MACF1: variants seen among roughly 807,000 people sequenced by gnomAD.
The protein encoded by MACF1 is microtubule-actin cross-linking factor 1.
A neutral mutation model predicts 854.8 loss-of-function variants in MACF1; 193 were observed. The observed-to-expected ratio is 0.23, with a 90% CI of 0.20 to 0.25. The LOEUF is 0.25. Ranked by LOEUF, MACF1 falls within the 10% of genes least tolerant of loss-of-function variation. MACF1 has a pLI of 1.00. For synonymous variants in MACF1, 3,185 were observed against 3,226.7 expected, an observed-to-expected ratio of 0.99 and a Z score of 0.44; for missense variants, 7,722 against 8,929.1, an observed-to-expected ratio of 0.86 and a Z score of 5.45.
At chr1:39,096,999 C>G (rs916315830) in intron 2 of MACF1, among the ~76,000 whole-genome samples, 2 of 151,384 alleles carry the variant, frequency 1.3e-5, no homozygotes, top group African/African-American at 4.9e-5. Flanking sequence ...GCCTTGGCCT[C>G]CTGAGTAGCT....
At chr1:39,290,997 A>G (rs1448295891) in intron 15 of MACF1, among the ~76,000 whole-genome samples, 1 of 149,722 alleles carries the variant, frequency 6.7e-6, no homozygotes, top group African/African-American at 2.5e-5. Flanking sequence ...TTTGAGACAG[A>G]GTCTCACTCC....
At chr1:39,162,715 A>G (rs1311318522) in intron 2 of MACF1, among the ~76,000 whole-genome samples, 1 of 152,166 alleles carries the variant, frequency 6.6e-6, no homozygotes, top group Non-Finnish European at 1.5e-5. Flanking sequence ...GGATGATAGA[A>G]TTTACTTTAC....
rs1364393372 is a variant in MACF1 at position 39,111,369 on chromosome 1, T to TATTA, written c.220+26934_220+26935insAATT. Among the ~76,000 whole-genome samples the TATTA allele has an allele frequency of 2.0e-5, 3 of 150,880 alleles. 1 individual carries two copies. Among genetic ancestry groups the TATTA allele is most frequent in the Admixed American group, 2.0e-4 (3 of 15,170 alleles). On this transcript the variant is annotated intron_variant, in intron 2 of 93. Transcript: ENST00000361689. ...TGCCACCATGCCCAGCTAATTATTT[T>TATTA]ATTTATTTATTTATTTATTTATTTA...
At chr1:39,389,623 G>C (rs1341572565) in intron 58 of MACF1, among the ~76,000 whole-genome samples, 1 of 152,070 alleles carries the variant, frequency 6.6e-6, no homozygotes, top group Non-Finnish European at 1.5e-5. Flanking sequence ...GCCTCCCAAA[G>C]TGCTGGGATT....
intron 49 of MACF1, among the ~76,000 whole-genome samples, chr1:39,364,132 G>A (rs1270002611): frequency 1.3e-5 from 2 of 152,144 alleles, no homozygotes; most frequent in Non-Finnish European, 2.9e-5. Flanking sequence ...ATTCCCAGCA[G>A]CAGTGTATTA....
chr1:39,138,573 A>G (rs1382125554), intron 2 of MACF1, among the ~76,000 whole-genome samples: 1 of 150,772 alleles, frequency 6.6e-6, no homozygotes, highest in Non-Finnish European at 1.5e-5. Context: ...CGACAGAGAG[A>G]GACTCTGTCT....
intron 2 of MACF1, among the ~76,000 whole-genome samples, chr1:39,143,290 A>G (rs1272360642): frequency 6.6e-6 from 1 of 152,222 alleles, no homozygotes; most frequent in Non-Finnish European, 1.5e-5. Context: ...AGAGTGAATT[A>G]TTGATACAAG....
intron 45 of MACF1, among the ~76,000 whole-genome samples, chr1:39,358,160 C>G (rs1470799123): frequency 6.6e-6 from 1 of 152,220 alleles, no homozygotes; most frequent in East Asian, 1.9e-4. Context: ...AAGTATTCCC[C>G]TTCCTGTATC....
intron 2 of MACF1, among the ~76,000 whole-genome samples, chr1:39,123,317 C>T (rs1453778740): frequency 7.5e-5 from 11 of 147,342 alleles, no homozygotes; most frequent in South Asian, 2.1e-4. Flanking sequence ...AAGCGATTCT[C>T]GTGCCTCAGC....
rs535344097 is a variant in MACF1, at chr1:39,189,690, T to C, written c.221-41492T>C. 2.0e-5 allele frequency among the ~76,000 whole-genome samples: 3 copies of C among 150,748 alleles called. No homozygotes were observed. In the East Asian group the frequency reaches 5.8e-4, roughly 29 times the overall value. ...GTTATATTTCTTATCTATGGAAGCC[T>C]TTTTTTTGACTTCCCCAACAGGAAA... On this transcript the variant is annotated intron_variant, in intron 2 of 93. Transcript: ENST00000361689.
intron 2 of MACF1, among the ~76,000 whole-genome samples, chr1:39,116,758 T>C (rs1429719014): frequency 1.3e-5 from 2 of 152,212 alleles, no homozygotes; most frequent in Non-Finnish European, 2.9e-5. Flanking sequence ...ATTTGACTTT[T>C]GGACAGGACA....
At chr1:39,434,380 C>CT (rs761556679) in intron 68 of MACF1, 34 bp from the exon 69 acceptor site, 1 of 1,233,570 alleles carries the variant, frequency 8.1e-7, no homozygotes, top group Non-Finnish European at 1.2e-6. Flanking sequence ...AATAGTAATA[C>CT]TTATCCTTTT....
In MACF1 at chr1:39,100,114, T is replaced by A. The variant is rs74592476; in HGVS notation, c.220+15676T>A. On this transcript the variant is annotated intron_variant, in intron 2 of 93. Coordinates refer to the MACF1 transcript ENST00000361689. Reference sequence around the variant, plus strand: ...GCCTGTAGTCCTAGCTGCTGGTGGGTTAATTGGTGGGCGCACTGAGGCAGG... The same window carrying A: ...GCCTGTAGTCCTAGCTGCTGGTGGGATAATTGGTGGGCGCACTGAGGCAGG... Among the ~76,000 whole-genome samples, 1,317 of 152,086 alleles carry A rather than the reference T, an allele frequency of 8.7e-3. 22 individuals are homozygous for A. The highest frequency in any genetic ancestry group is 0.03 in the African/African-American group (1,246 of 41,488).
At chr1:39,210,825 G>A (rs2148275944) in intron 1 of MACF1, among the ~76,000 whole-genome samples, 1 of 152,284 alleles carries the variant, frequency 6.6e-6, no homozygotes, top group East Asian at 1.9e-4. Flanking sequence ...TACTGGCTGA[G>A]TGACATTAGT....
At chr1:39,164,180 A>G (rs1320587911) in intron 2 of MACF1, among the ~76,000 whole-genome samples, 2 of 152,218 alleles carry the variant, frequency 1.3e-5, no homozygotes. Context: ...CACTGCTATG[A>G]TAACGAACAT....
chr1:39,336,332 A>T lies in MACF1; in HGVS notation c.9744A>T (p.Ala3248=). The stretch of plus-strand genomic sequence containing the variant: ...TAGAAATGGCAAACCCTAATGTTGC[A>T]GGTCTAGAAGCAGGATCCATTGAGG... ...KFLEMANPNV[A]GLEAGSIEDI... Residue 3248 remains alanine (A), a synonymous_variant, in exon 37 of 101, where the codon GCA becomes GCT. Coordinates refer to ENST00000564288, the MANE Select transcript of MACF1 (RefSeq NM_001394062.1). The T allele has an allele frequency of 1.2e-6, 2 of 1,614,230 alleles. No homozygotes were observed. The highest frequency in any genetic ancestry group is 1.7e-6 in the Non-Finnish European group (2 of 1,180,032).
intron 6 of MACF1, among the ~76,000 whole-genome samples, chr1:39,267,856 C>T (rs2148354477): frequency 1.3e-5 from 2 of 152,280 alleles, no homozygotes; most frequent in South Asian, 4.1e-4. Flanking sequence ...ATTAACAGAT[C>T]TTTCTTTTCT....
At chr1:39,142,350 GA>G (rs1399991079) in intron 2 of MACF1, among the ~76,000 whole-genome samples, 2 of 152,102 alleles carry the variant, frequency 1.3e-5, no homozygotes, top group Non-Finnish European at 1.5e-5. Flanking sequence ...TTTGATGGGG[GA>G]GTCTCTCCCA....
rs1421183584 is a variant in MACF1, at chr1:39,205,103, C to T, written c.81C>T (p.Tyr27=). 3 of 702,892 alleles carry T rather than the reference C, an allele frequency of 4.3e-6. No homozygotes were observed. The highest frequency in any genetic ancestry group is 1.7e-5 in the African/African-American group (1 of 57,252). 43.5% of individuals were successfully genotyped at this position (702,892 alleles called of 1,614,324 possible). ...THVLGVAGVL[Y]WKRHARGRAD... is the part of the protein sequence containing the mutation. ...TTCTTGGAGTTGCTGGTGTTCTATA[C>T]TGGAAGAGGCATGCCAGAGGTAGAG... The change falls in exon 1 of 101, where the codon TAC becomes TAT. Residue 27 remains tyrosine, a synonymous_variant. Coordinates refer to ENST00000564288, the MANE Select transcript of MACF1 (RefSeq NM_001394062.1).
Sources: gnomAD v4.1 joint callset for allele counts (sites outside exome capture counted in the v4.1 genomes callset) on GRCh38, gnomAD v4.1.1 for gene constraint, MANE v1.5 for transcripts, NCBI Gene and HGNC (gene_info 2026-07-23, HGNC 2026-07-21) for gene names.